PTBP1: variants seen among roughly 807,000 people sequenced by gnomAD.
PTBP1 encodes polypyrimidine tract-binding protein 1.
A neutral mutation model predicts 59.8 loss-of-function variants in PTBP1; 8 were observed. The observed-to-expected ratio is 0.13, with a 90% CI of 0.08 to 0.24. The LOEUF (loss-of-function observed/expected upper bound fraction) is 0.24, where lower values mean the gene tolerates loss of function less well. Ranked by LOEUF, PTBP1 falls within the 10% of genes least tolerant of loss-of-function variation. PTBP1 has a pLI of 1.00. For missense variants in PTBP1, 686 were observed against 767.0 expected (o/e 0.89, Z 1.25); for synonymous variants, 490 against 320.7 (o/e 1.53, Z -5.64).
In PTBP1 at chr19:810,778, C is replaced by T. The variant is rs148949064; in HGVS notation, c.1626C>T (p.Leu542=). 147 of 1,594,602 alleles carry T rather than the reference C, an allele frequency of 9.2e-5. No homozygotes were observed. The highest frequency in any genetic ancestry group is 2.0e-4 in the African/African-American group (15 of 73,886). The change falls in exon 15 of 15, where the codon CTC becomes CTT. Residue 542 remains leucine, a synonymous_variant. Coordinates refer to ENST00000356948, the MANE Select transcript of PTBP1 (RefSeq NM_002819.5). ...TCATTGACCTGCACAACCACGACCT[C>T]GGGGAGAACCACCACCTGCGGGTCT... ...QALIDLHNHD[L]GENHHLRVSF...
At chr19:806,195 C>G (rs556251288) in intron 9 of PTBP1, 10 of 498,058 alleles carry the variant, frequency 2.0e-5, no homozygotes, top group South Asian at 1.8e-4. Context: ...CGGCCCGGCC[C>G]GTGCTGTGAG....
chr19:806,810 G>A (rs1048997941), intron 10 of PTBP1: 10 of 414,324 alleles, frequency 2.4e-5, no homozygotes, highest in Non-Finnish European at 4.2e-5. Context: ...GTTACCCAAA[G>A]GCAATCTAAA....
intron 13 of PTBP1, among the ~76,000 whole-genome samples, chr19:809,498 T>G (rs1425366819): frequency 6.6e-6 from 1 of 151,880 alleles, no homozygotes; most frequent in African/African-American, 2.4e-5. Context: ...TTTTTTGTAT[T>G]TTTAGTGGAA....
chr19:805,890 T>G, intron 9 of PTBP1: 1 of 386,122 alleles, frequency 2.6e-6, no homozygotes, highest in South Asian at 2.6e-5. Flanking sequence ...AGTAGTTGAA[T>G]TTGAGTGGCC....
chr19:803,366 G>A (rs576308912), intron 2 of PTBP1, among the ~76,000 whole-genome samples, 195 bp from the exon 3 acceptor site: 131 of 152,324 alleles, frequency 8.6e-4, no homozygotes, highest in African/African-American at 2.9e-3. Context: ...TGTTTTGGTC[G>A]TGGAGCTGTG....
rs376047020 is a variant in PTBP1, at chr19:810,634, G to A, written c.1541+14G>A. 99 of 1,612,738 alleles carry A rather than the reference G, an allele frequency of 6.1e-5. No homozygotes were observed. The highest frequency in any genetic ancestry group is 8.0e-5 in the African/African-American group (6 of 74,844). ...CAAGTTCTTCCAGTGAGTATGAGGC[G>A]GGCTGTCCCTGGCTCTCCCCAGGCT... On this transcript the variant is annotated intron_variant, in intron 14 of 14. Coordinates refer to ENST00000356948, the MANE Select transcript of PTBP1 (RefSeq NM_002819.5).
intron 2 of PTBP1, among the ~76,000 whole-genome samples, chr19:801,765 C>T (rs1055530841): frequency 3.9e-5 from 6 of 152,144 alleles, no homozygotes; most frequent in African/African-American, 4.8e-5. Context: ...TCCCTTCCTC[C>T]GGTCCTGGCA....
intron 1 of PTBP1, among the ~76,000 whole-genome samples, chr19:798,945 T>G (rs1325835722): frequency 6.6e-6 from 1 of 152,240 alleles, no homozygotes; most frequent in Non-Finnish European, 1.5e-5. Context: ...CGGGCTCCAC[T>G]CTGCTGAGAG....
chr19:806,680 C>G, intron 10 of PTBP1, 124 bp downstream of exon 10: 5 of 907,730 alleles, frequency 5.5e-6, no homozygotes, highest in Non-Finnish European at 7.8e-6. Context: ...CCCTGGCAGC[C>G]CCTCTGCTGC....
Position 808,518 on chromosome 19 carries a change from C to T in PTBP1, c.1247-28C>T, listed in dbSNP as rs745678483. On this transcript the variant is annotated intron_variant, in intron 12 of 14. Coordinates refer to ENST00000356948, the MANE Select transcript of PTBP1 (RefSeq NM_002819.5). This position sits in a 1 kb window ranked among gnomAD's most constrained non-coding sequence, Gnocchi z 4.7. ...CGGGGGCTGCGTTCCCTCTCGGGCG[C>T]CTGGTCACGCGGGTGCTGCTCCCCC... 3.2e-6 allele frequency: 5 copies of T among 1,563,222 alleles called. No homozygotes were observed. Among genetic ancestry groups the T allele is most frequent in the Non-Finnish European group, 4.3e-6 (5 of 1,156,208 alleles).
At chr19:802,221 G>GCCACGTACACTATC (rs2034365158) in intron 2 of PTBP1, among the ~76,000 whole-genome samples, 1 of 152,216 alleles carries the variant, frequency 6.6e-6, no homozygotes, top group South Asian at 2.1e-4. Context: ...GGCTCTTGCC[G>GCCACGTACACTATC]TCCGCGTCGG....
Position 805,545 on chromosome 19 carries a change from A to G in PTBP1, c.946A>G (p.Thr316Ala), listed in dbSNP as rs1397455224. Residue 316 changes from threonine to alanine, a missense_variant, in exon 9 of 15, where the codon ACC becomes GCC. By Grantham distance (58) the Thr-to-Ala change is moderately conservative. Coordinates refer to ENST00000356948, the MANE Select transcript of PTBP1 (RefSeq NM_002819.5). The part of the protein sequence containing the change: ...SPYAGAGFPP[T>A]FAIPQAAGLS... ...GTATGCAGGAGCTGGTTTCCCTCCC[A>G]CCTTTGCCATTCCTCAAGCTGCAGG... The G allele has an allele frequency of 3.7e-6, 6 of 1,613,728 alleles. No individual in the cohort carries two copies. The highest frequency in any genetic ancestry group is 5.1e-6 in the Non-Finnish European group (6 of 1,179,708).
chr19:807,198 T>A (rs1374500099), intron 10 of PTBP1: 1 of 152,306 alleles, frequency 6.6e-6, no homozygotes, highest in Non-Finnish European at 1.5e-5. Context: ...TCCCTCCAGC[T>A]CCTCCTGAGC....
intron 3 of PTBP1, 114 bp downstream of exon 3, chr19:803,750 C>G (rs1196469849): frequency 2.0e-6 from 2 of 992,188 alleles, no homozygotes; most frequent in Non-Finnish European, 3.1e-6. Context: ...GCCCATGGTC[C>G]ACGCTACAGA....
In PTBP1 at chr19:800,802, C is replaced by T. The variant is rs117084592; in HGVS notation, c.39+1359C>T. Among the ~76,000 whole-genome samples, 1,040 of 152,306 alleles carry T rather than the reference C, an allele frequency of 6.8e-3. 9 individuals are homozygous for T. Among genetic ancestry groups the T allele is most frequent in the Middle Eastern group, 0.031 (9 of 294 alleles). On this transcript the variant is annotated intron_variant, in intron 2 of 14. Coordinates refer to ENST00000356948, the MANE Select transcript of PTBP1 (RefSeq NM_002819.5). ...GTCGTCTCTTCCCTGCTTCTGTGGG[C>T]CTGCTTTCCAGCTGGAGTGGCCCTC...
chr19:805,256 G>C (rs572941428), intron 8 of PTBP1, 69 bp downstream of exon 8: 2 of 1,549,192 alleles, frequency 1.3e-6, no homozygotes, highest in South Asian at 1.2e-5. Context: ...CCGGAGCCCC[G>C]GCGGCACGGG....
intron 2 of PTBP1, among the ~76,000 whole-genome samples, chr19:799,828 C>T (rs747353368): frequency 6.6e-6 from 1 of 152,194 alleles, no homozygotes; most frequent in African/African-American, 2.4e-5. Flanking sequence ...AGGAAAAGAG[C>T]CACCTGGCTG....
At chr19:802,592 G>T (rs1033646719) in intron 2 of PTBP1, among the ~76,000 whole-genome samples, 4 of 152,198 alleles carry the variant, frequency 2.6e-5, no homozygotes, top group African/African-American at 9.7e-5. Context: ...GGATGGCCCT[G>T]TCCTGGGGGG....
At chr19:800,290 G>T (rs554255025) in intron 2 of PTBP1, among the ~76,000 whole-genome samples, 3 of 152,190 alleles carry the variant, frequency 2.0e-5, no homozygotes, top group South Asian at 2.1e-4. Context: ...GTCAAAGGTG[G>T]TGTTTGGGGC....
Sources: allele counts gnomAD v4.1 joint callset (sites outside exome capture counted in the v4.1 genomes callset), GRCh38; gene constraint gnomAD v4.1.1; non-coding constraint Gnocchi (gnomAD v3.1); transcripts MANE v1.5; gene names NCBI Gene and HGNC (gene_info 2026-07-23, HGNC 2026-07-21).